MYO16: variants seen among roughly 807,000 people sequenced by gnomAD.
MYO16 encodes unconventional myosin-XVI.
In MYO16, 94 loss-of-function variants were observed where a neutral mutation model predicts 205.3. The ratio of observed to expected loss-of-function variants is 0.46; its 90% CI spans 0.39 to 0.54. MYO16 has a LOEUF of 0.54. Among genes scored for constraint, MYO16 ranks in the 20% least tolerant of loss-of-function variants. MYO16 has a pLI of 0.00. For missense variants in MYO16, 2,315 were observed against 2,387.5 expected (o/e 0.97, Z 0.63); for synonymous variants, 988 against 954.0 (o/e 1.04, Z -0.66).
At position 108,809,190 on chromosome 13, in the gene MYO16, C is replaced by T. The variant is rs141079130; in HGVS notation, c.867+2386C>T. On this transcript the variant is annotated intron_variant, in intron 7 of 34. Transcript: ENST00000457511. The stretch of plus-strand genomic sequence containing the variant: ...AGGTTTCCAACATTCATCATTTATT[C>T]GTGATAAGTCAGTTAAGAAACACTT... 5.4e-3 allele frequency among the ~76,000 whole-genome samples: 819 copies of T among 152,268 alleles called. 4 individuals carry two copies. The highest frequency in any genetic ancestry group is 0.024 in the Middle Eastern group (7 of 294).
At chr13:108,951,596 C>T (rs1883151734) in intron 16 of MYO16, among the ~76,000 whole-genome samples, 1 of 152,022 alleles carries the variant, frequency 6.6e-6, no homozygotes, top group African/African-American at 2.4e-5. Flanking sequence ...GTTTATTTTT[C>T]CTAGAATTTG....
At chr13:108,578,090 G>A in the MYO16 span, among the ~76,000 whole-genome samples, 3 of 152,108 alleles carry the variant, frequency 2.0e-5, no homozygotes, top group East Asian at 5.8e-4. Context: ...CTATTTCTTT[G>A]TTTTTTACCT....
intron 1 of MYO16, among the ~76,000 whole-genome samples, chr13:108,621,482 T>C (rs1879539464): frequency 6.6e-6 from 1 of 152,368 alleles, no homozygotes; most frequent in South Asian, 2.1e-4. Flanking sequence ...GTTCCATGCA[T>C]GGAGTAACAT....
rs114964289 is a variant in MYO16, at chr13:109,123,952, T to C, written c.3536-1160T>C. ...ATTGGCTTTCCTGAAATTATAACTC[T>C]TCTATAATCTTAATCAACTCCTTGT... On this transcript the variant is annotated intron_variant, in intron 29 of 34. Transcript: ENST00000457511. 2.4e-3 allele frequency among the ~76,000 whole-genome samples: 368 copies of C among 152,372 alleles called. 2 individuals carry two copies. Among genetic ancestry groups the C allele is most frequent in the African/African-American group, 8.4e-3 (348 of 41,580 alleles).
intron 1 of MYO16, among the ~76,000 whole-genome samples, chr13:108,618,601 T>TA (rs1372325815): frequency 6.6e-6 from 1 of 152,216 alleles, no homozygotes; most frequent in Non-Finnish European, 1.5e-5. Flanking sequence ...CACTGTGTTA[T>TA]AGTGGCTGAT....
At chr13:108,574,303 C>T in the MYO16 span, among the ~76,000 whole-genome samples, 1 of 152,138 alleles carries the variant, frequency 6.6e-6, no homozygotes, top group African/African-American at 2.4e-5. Flanking sequence ...CTAAAAGCTC[C>T]ATGGTTATAT....
intron 25 of MYO16, among the ~76,000 whole-genome samples, chr13:109,052,682 G>A (rs1887283465): frequency 6.6e-6 from 1 of 152,036 alleles, no homozygotes; most frequent in Non-Finnish European, 1.5e-5. Flanking sequence ...AATTTTAATA[G>A]TAAGTATAGT....
At chr13:108,833,706 C>T (rs142858002) in intron 9 of MYO16, among the ~76,000 whole-genome samples, 2 of 152,258 alleles carry the variant, frequency 1.3e-5, no homozygotes, top group African/African-American at 4.8e-5. Flanking sequence ...TTCCTACAGG[C>T]ACATTTTCTC....
At chr13:109,197,034 T>C (rs183785924) in intron 34 of MYO16, among the ~76,000 whole-genome samples, 2 of 152,268 alleles carry the variant, frequency 1.3e-5, no homozygotes, top group African/African-American at 2.4e-5. Flanking sequence ...ATTTTGGACA[T>C]GTAAGTTTAT....
chr13:109,060,268 A>G (rs1450837157), intron 27 of MYO16, among the ~76,000 whole-genome samples: 1 of 152,198 alleles, frequency 6.6e-6, no homozygotes, highest in Non-Finnish European at 1.5e-5. Flanking sequence ...GGATAAAGAA[A>G]TTGTGACACA....
chr13:109,011,681 A>C (rs1267449923), intron 22 of MYO16, among the ~76,000 whole-genome samples: 2 of 151,368 alleles, frequency 1.3e-5, no homozygotes, highest in African/African-American at 4.9e-5. Flanking sequence ...CACCTGGCTA[A>C]TTTTTGTAGT....
At chr13:108,603,824 CT>C (rs948637401) in intron 1 of MYO16, among the ~76,000 whole-genome samples, 3 of 152,132 alleles carry the variant, frequency 2.0e-5, no homozygotes, top group South Asian at 2.1e-4. Context: ...TTTTCCAAAT[CT>C]TTTTTTCTTA....
intron 27 of MYO16, among the ~76,000 whole-genome samples, chr13:109,075,360 A>C (rs1184366889): frequency 7.6e-6 from 1 of 131,258 alleles, no homozygotes; most frequent in African/African-American, 2.9e-5. Flanking sequence ...TGGCATTAAA[A>C]TGAATTTATA....
chr13:108,865,239 A>C (rs982314195), intron 11 of MYO16, among the ~76,000 whole-genome samples: 1 of 152,154 alleles, frequency 6.6e-6, no homozygotes, highest in Non-Finnish European at 1.5e-5. Context: ...TGCTTGTTCC[A>C]TGAATTACTA....
intron 4 of MYO16, among the ~76,000 whole-genome samples, chr13:108,740,015 G>A (rs1884846447): frequency 6.6e-6 from 1 of 152,100 alleles, no homozygotes; most frequent in South Asian, 2.1e-4. Context: ...CTGTACACTG[G>A]TTATTCTAGT....
At chr13:109,077,590 G>C (rs1358888005) in intron 27 of MYO16, among the ~76,000 whole-genome samples, 1 of 152,160 alleles carries the variant, frequency 6.6e-6, no homozygotes, top group Admixed American at 6.5e-5. Flanking sequence ...GGCATTTTAG[G>C]TCAACATATT....
chr13:109,101,152 T>A (rs528078791), intron 28 of MYO16: 1 of 370,578 alleles, frequency 2.7e-6, no homozygotes, highest in Admixed American at 3.7e-5. Flanking sequence ...TGTTTGCCCG[T>A]GTGTCAGATT....
intron 2 of MYO16, among the ~76,000 whole-genome samples, chr13:108,692,814 G>A (rs117522351): frequency 9.3e-4 from 142 of 152,302 alleles, no homozygotes; most frequent in Admixed American, 2.3e-3. Context: ...CAACTTCTGA[G>A]CATGTGACTT....
chr13:108,606,883 G>A (rs1461870256), intron 1 of MYO16, among the ~76,000 whole-genome samples: 1 of 152,224 alleles, frequency 6.6e-6, no homozygotes, highest in South Asian at 2.1e-4. Flanking sequence ...AGCTACAGGG[G>A]TGGAGCAGCC....
Sources: allele counts gnomAD v4.1 joint callset (sites outside exome capture counted in the v4.1 genomes callset), GRCh38; gene constraint gnomAD v4.1.1; transcripts MANE v1.5; gene names NCBI Gene and HGNC (gene_info 2026-07-23, HGNC 2026-07-21).